The following PTGER3 variants were observed in gnomAD, a reference collection of about 807,000 sequenced individuals.
PTGER3 encodes prostaglandin E receptor 3.
PTGER3 carries 22 observed loss-of-function variants against 34.7 expected under a neutral mutation model. That is an observed-to-expected ratio of 0.63 (90% CI 0.45 to 0.91). PTGER3 has a LOEUF of 0.91. PTGER3 is among the 40% of genes least tolerant of loss of function. PTGER3 has a pLI of 0.00. For missense variants in PTGER3, 468 were observed against 519.4 expected (o/e 0.90, Z 0.96); for synonymous variants, 241 against 230.1 (o/e 1.05, Z -0.43).
chr1:71,027,349 A>T (rs1264772077), intron 1 of PTGER3, among the ~76,000 whole-genome samples: 1 of 152,082 alleles, frequency 6.6e-6, no homozygotes, highest in Non-Finnish European at 1.5e-5. Flanking sequence ...TTTTGTAGAG[A>T]CAGGCATCTC....
chr1:70,941,797 G>A (rs1169283437), intron 4 of PTGER3, among the ~76,000 whole-genome samples: 1 of 152,080 alleles, frequency 6.6e-6, no homozygotes, highest in South Asian at 2.1e-4. Flanking sequence ...AGAATCACTT[G>A]CCAGAATTAC....
intron 4 of PTGER3, among the ~76,000 whole-genome samples, chr1:70,923,220 T>TG (rs1396653934): frequency 6.7e-6 from 1 of 149,522 alleles, no homozygotes; most frequent in African/African-American, 2.5e-5. Context: ...TTTTTTTTTT[T>TG]GGCTCTATTT....
chr1:70,979,698 G>A (rs944034206), intron 2 of PTGER3, among the ~76,000 whole-genome samples: 4 of 152,056 alleles, frequency 2.6e-5, no homozygotes, highest in African/African-American at 4.8e-5. Context: ...GCTGGGGACC[G>A]TCCTTCCATT....
At chr1:70,920,387 G>A (rs746550890) in intron 4 of PTGER3, among the ~76,000 whole-genome samples, 4 of 152,150 alleles carry the variant, frequency 2.6e-5, no homozygotes, top group African/African-American at 9.7e-5. Context: ...TAACTCAGCT[G>A]TTCAGGACTT....
At chr1:70,857,381 T>A (rs1201096015) in intron 4 of PTGER3, among the ~76,000 whole-genome samples, 1 of 152,198 alleles carries the variant, frequency 6.6e-6, no homozygotes, top group African/African-American at 2.4e-5. Flanking sequence ...TTATGATTTC[T>A]GATGAGAAAT....
intron 4 of PTGER3, among the ~76,000 whole-genome samples, chr1:70,919,933 G>C (rs1040741081): frequency 6.6e-6 from 1 of 152,116 alleles, no homozygotes; most frequent in African/African-American, 2.4e-5. Context: ...CTTACCAAAA[G>C]TATTGAGTTC....
At chr1:70,905,446 G>A (rs1288115301) in intron 4 of PTGER3, among the ~76,000 whole-genome samples, 1 of 152,166 alleles carries the variant, frequency 6.6e-6, no homozygotes, top group Non-Finnish European at 1.5e-5. Flanking sequence ...CAGCTGGGAG[G>A]GAGGCTGTAC....
At chr1:70,869,539 G>C (rs966647629) in intron 4 of PTGER3, among the ~76,000 whole-genome samples, 1 of 152,146 alleles carries the variant, frequency 6.6e-6, no homozygotes, top group African/African-American at 2.4e-5. Flanking sequence ...CTGGAGATAA[G>C]TTCCTTCCAC....
chr1:70,871,348 G>T (rs1463332953), intron 4 of PTGER3, among the ~76,000 whole-genome samples: 1 of 152,128 alleles, frequency 6.6e-6, no homozygotes, highest in African/African-American at 2.4e-5. Flanking sequence ...AGCCATGATG[G>T]ATCTGCCTGG....
At chr1:71,018,837 C>T (rs1658149436) in intron 1 of PTGER3, among the ~76,000 whole-genome samples, 1 of 152,086 alleles carries the variant, frequency 6.6e-6, no homozygotes, top group South Asian at 2.1e-4. Context: ...GTTTAGTACA[C>T]TGTAATTTCC....
At chr1:70,960,648 T>C (rs1036515554) in intron 2 of PTGER3, among the ~76,000 whole-genome samples, 1 of 151,874 alleles carries the variant, frequency 6.6e-6, no homozygotes, top group East Asian at 1.9e-4. Flanking sequence ...AGCAAGAGGA[T>C]CAAGGAGGAA....
intron 2 of PTGER3, among the ~76,000 whole-genome samples, chr1:70,981,337 TTC>T (rs1189939454): frequency 4.4e-5 from 2 of 45,502 alleles, no homozygotes; most frequent in Admixed American, 2.5e-4. Flanking sequence ...CTTTCTTTCT[TTC>T]TTTCTTTCTT....
At chr1:71,019,705 C>T (rs1658229415) in intron 1 of PTGER3, among the ~76,000 whole-genome samples, 1 of 152,186 alleles carries the variant, frequency 6.6e-6, no homozygotes, top group Non-Finnish European at 1.5e-5. Flanking sequence ...TTTATAATCA[C>T]ACACTTAAAA....
At position 71,024,975 on chromosome 1, in the gene PTGER3, G is replaced by T. The variant is rs543182720; in HGVS notation, c.898-12491C>A. The stretch of plus-strand genomic sequence containing the variant: ...TGCACAACGTGCAGGTTTGTTACGT[G>T]TATACATGTGCCATGTTGGTGTGCT... On this transcript the variant is annotated intron_variant, in intron 1 of 3. Coordinates refer to ENST00000306666, the MANE Select transcript of PTGER3 (RefSeq NM_198719.2). Among the ~76,000 whole-genome samples the T allele has an allele frequency of 2.6e-3, 399 of 151,772 alleles. 3 individuals are homozygous for T. The highest frequency in any genetic ancestry group is 3.9e-3 in the Non-Finnish European group (263 of 67,940).
At chr1:70,911,200 A>G (rs574355576) in intron 4 of PTGER3, among the ~76,000 whole-genome samples, 38 of 151,680 alleles carry the variant, frequency 2.5e-4, no homozygotes, top group African/African-American at 9.0e-4. Context: ...TGAACAAAGT[A>G]TCACACTGGT....
intron 1 of PTGER3, among the ~76,000 whole-genome samples, chr1:71,032,693 C>T (rs1659511173): frequency 6.6e-6 from 1 of 152,210 alleles, no homozygotes. Flanking sequence ...ACTCTTCACA[C>T]TCCTGCAATT....
At chr1:71,009,396 C>A (rs949790528) in intron 2 of PTGER3, 2 of 979,670 alleles carry the variant, frequency 2.0e-6, no homozygotes, top group African/African-American at 3.5e-5. Context: ...CTTACATTTA[C>A]CTAAAATATC....
chr1:70,967,557 AG>A (rs1652657002), downstream of PTGER3, among the ~76,000 whole-genome samples: 1 of 152,164 alleles, frequency 6.6e-6, no homozygotes, highest in African/African-American at 2.4e-5. Context: ...AGTCAGTAAA[AG>A]CCTGGATTAA....
intron 1 of PTGER3, among the ~76,000 whole-genome samples, chr1:71,016,568 C>T (rs560320671): frequency 2.8e-4 from 43 of 152,024 alleles, no homozygotes; most frequent in African/African-American, 8.4e-4. Context: ...TTTGGGAGGT[C>T]GAGGCAGATG....
Sources: gnomAD v4.1 joint callset for allele counts (sites outside exome capture counted in the v4.1 genomes callset) on GRCh38, gnomAD v4.1.1 for gene constraint, MANE v1.5 for transcripts, NCBI Gene and HGNC (gene_info 2026-07-23, HGNC 2026-07-21) for gene names.